SIDT1: variants seen among roughly 807,000 people sequenced by gnomAD.
SIDT1 encodes SID1 transmembrane family, member 1.
Under a neutral mutation model 107.5 loss-of-function variants are expected in SIDT1, and 101 were observed. The observed-to-expected ratio is 0.94, with a 90% CI of 0.80 to 1.11. The LOEUF is 1.11. SIDT1 is among the 50% of genes least tolerant of loss of function. The probability of loss-of-function intolerance (pLI) is 0.00; values close to 1 mark genes in which losing one functional copy is unlikely to be tolerated. For synonymous variants in SIDT1, 395 were observed against 398.2 expected (o/e 0.99, Z 0.10); for missense variants, 1,076 against 1,058.2 (o/e 1.02, Z -0.23).
chr3:113,561,297 A>G (rs540835482), intron 1 of SIDT1, among the ~76,000 whole-genome samples: 5 of 152,274 alleles, frequency 3.3e-5, no homozygotes, highest in Admixed American at 1.3e-4. Context: ...AAACTGCCCA[A>G]TGTCTTCTAT....
rs556218462 is a variant in SIDT1, at chr3:113,546,840, A to G, written c.222+13597A>G. ...AGTTTTCATGTTACCACATGTTGCC[A>G]TGCAGTACCCCAGAGTATGTTAACC... On this transcript the variant is annotated intron_variant, in intron 1 of 24. Coordinates refer to ENST00000264852, the MANE Select transcript of SIDT1 (RefSeq NM_017699.3). 6.6e-5 allele frequency among the ~76,000 whole-genome samples: 10 copies of G among 152,272 alleles called. No individual in the cohort carries two copies. In the East Asian group the frequency reaches 1.9e-3, roughly 29 times the overall value.
intron 17 of SIDT1, 22 bp from the exon 18 acceptor site, chr3:113,610,986 G>A (rs748377551): frequency 1.2e-6 from 2 of 1,610,296 alleles, no homozygotes; most frequent in South Asian, 2.2e-5. Flanking sequence ...CTGATCATCT[G>A]GCTCCTCCTT....
At chr3:113,581,812 G>A in intron 6 of SIDT1, 1 of 214,306 alleles carries the variant, frequency 4.7e-6, no homozygotes, top group Non-Finnish European at 9.4e-6. Flanking sequence ...GGCAGAGGTT[G>A]AAGTGAGCCA....
chr3:113,595,324 G>A (rs1222237763), intron 10 of SIDT1, among the ~76,000 whole-genome samples: 1 of 152,100 alleles, frequency 6.6e-6, no homozygotes, highest in Non-Finnish European at 1.5e-5. Context: ...TGTAATCCCA[G>A]CATTTGGGGA....
At chr3:113,602,711 A>G (rs758606741) in intron 11 of SIDT1, 4 of 236,660 alleles carry the variant, frequency 1.7e-5, no homozygotes, top group Non-Finnish European at 2.4e-5. Context: ...GAAACATGAA[A>G]TAGAAGTATA....
At chr3:113,554,851 C>T (rs529035246) in intron 1 of SIDT1, among the ~76,000 whole-genome samples, 1 of 152,140 alleles carries the variant, frequency 6.6e-6, no homozygotes, top group East Asian at 1.9e-4. Flanking sequence ...GGCATGTGGC[C>T]AAGGTGCTGC....
At chr3:113,593,157 T>C in intron 10 of SIDT1, 109 bp downstream of exon 10, 3 of 926,198 alleles carry the variant, frequency 3.2e-6, no homozygotes, top group Non-Finnish European at 3.6e-6. Flanking sequence ...AACCCTCCCT[T>C]GATTCCTATC....
In SIDT1 at chr3:113,623,641, G is replaced by C; in HGVS notation, c.2215G>C (p.Val739Leu). The C allele has an allele frequency of 6.2e-7, 1 of 1,613,896 alleles. No homozygotes were observed. The highest frequency in any genetic ancestry group is 1.1e-5 in the South Asian group (1 of 91,084). ...CCCACAGCTCCGCAGCTCTGAAAAG[G>C]TCCTCCCAGTCCCGCTCTTCTGCAT... is the stretch of plus-strand genomic sequence containing the variant. ...IIMKLRSSEK[V>L]LPVPLFCIVA... The change falls in exon 23 of 25, where the codon GTC (valine) becomes CTC (leucine). Residue 739 changes from valine to leucine, a missense_variant. Transcript: ENST00000264852.
intron 1 of SIDT1, among the ~76,000 whole-genome samples, chr3:113,556,797 T>C (rs1050144138): frequency 6.6e-6 from 1 of 150,458 alleles, no homozygotes; most frequent in African/African-American, 2.4e-5. Flanking sequence ...TGGCTTCTGA[T>C]TGGTATGCCC....
intron 3 of SIDT1, 138 bp from the exon 4 acceptor site, chr3:113,576,784 G>A (rs566072145): frequency 6.7e-5 from 57 of 850,988 alleles, no homozygotes; most frequent in South Asian, 3.3e-4. Context: ...TCACGGAACC[G>A]GAACTCCCCT....
intron 10 of SIDT1, among the ~76,000 whole-genome samples, chr3:113,600,867 T>C (rs992951369): frequency 7.2e-5 from 11 of 152,128 alleles, no homozygotes; most frequent in Non-Finnish European, 1.3e-4. Flanking sequence ...TAAGAAGAAA[T>C]TTATGAGGGG....
At position 113,607,119 on chromosome 3, in the gene SIDT1, A is replaced by G; in HGVS notation, c.1478+5A>G. The stretch of plus-strand genomic sequence containing the variant: ...TCACCCCTTGGGCGTCCTGAGGTAA[A>G]CCCAGTCCTCTGGTTGCCCATGAGG... On this transcript the variant is annotated splice_donor_5th_base_variant and intron_variant, in intron 15 of 24. Coordinates refer to ENST00000264852, the MANE Select transcript of SIDT1 (RefSeq NM_017699.3). 1 of 1,596,770 alleles carries G rather than the reference A, an allele frequency of 6.3e-7. No homozygotes were observed. The highest frequency in any genetic ancestry group is 1.1e-5 in the South Asian group (1 of 90,190).
At position 113,585,047 on chromosome 3, in the gene SIDT1, G is replaced by C; in HGVS notation, c.908-130G>C. 4 of 704,186 alleles carry C rather than the reference G, an allele frequency of 5.7e-6. No homozygotes were observed. The East Asian group carries it at 1.0e-4, about 18-fold the overall frequency. 43.6% of individuals were successfully genotyped at this position (704,186 alleles called of 1,614,324 possible). A position where few individuals can be genotyped will look rare whatever the true frequency, so the allele number is the denominator to read the frequency against. On this transcript the variant is annotated intron_variant, in intron 8 of 24. Coordinates refer to ENST00000264852, the MANE Select transcript of SIDT1 (RefSeq NM_017699.3). ...TCTGGGGACCTCCAGTAGCAGTTTT[G>C]CTGTGAACAAAAATTTATTAGGACC...
Position 113,576,043 on chromosome 3 carries a change from A to G in SIDT1, c.516-879A>G, listed in dbSNP as rs185006580. Among the ~76,000 whole-genome samples, 482 of 152,296 alleles carry G rather than the reference A, an allele frequency of 3.2e-3. 4 individuals carry two copies. The highest frequency in any genetic ancestry group is 0.02 in the South Asian group (96 of 4,822). On this transcript the variant is annotated intron_variant, in intron 3 of 24. Coordinates refer to ENST00000264852, the MANE Select transcript of SIDT1 (RefSeq NM_017699.3). ...AACAGCCAGAAAGAGAAAAAGCCCAAAGTAGTCCTTATAAAACTATAGAGA... is the reference window on the plus strand; with the variant it reads ...AACAGCCAGAAAGAGAAAAAGCCCAGAGTAGTCCTTATAAAACTATAGAGA...
Position 113,607,042 on chromosome 3 carries a change from T to C in SIDT1, c.1406T>C (p.Val469Ala). 1 of 1,603,222 alleles carries C rather than the reference T, an allele frequency of 6.2e-7. No individual in the cohort carries two copies. The highest frequency in any genetic ancestry group is 1.1e-5 in the South Asian group (1 of 90,878). Residue 469 changes from valine to alanine, a missense_variant and splice_region_variant, in exon 15 of 25, where the codon GTG becomes GCG. Val to Ala is a moderately conservative substitution (Grantham distance 64). Transcript: ENST00000264852. Reference sequence around the variant, plus strand: ...CTCTTCTCACTCTTGATTTTACAGGTGGTAAATGTCACTGGCAACCAGGAC... The same window carrying C: ...CTCTTCTCACTCTTGATTTTACAGGCGGTAAATGTCACTGGCAACCAGGAC... The part of the protein sequence containing the change: ...VIQLVITYQT[V>A]VNVTGNQDIC...
chr3:113,604,059 G>C, intron 13 of SIDT1, 26 bp downstream of exon 13: 1 of 1,480,388 alleles, frequency 6.8e-7, no homozygotes, highest in Non-Finnish European at 9.2e-7. Context: ...GTAGGACCAT[G>C]GTTCCCTTAA....
intron 1 of SIDT1, among the ~76,000 whole-genome samples, chr3:113,538,572 T>C (rs1314373984): frequency 6.6e-6 from 1 of 152,256 alleles, no homozygotes; most frequent in Non-Finnish European, 1.5e-5. Flanking sequence ...ACTTTTGATG[T>C]ATTAAATTAA....
intron 10 of SIDT1, 176 bp from the exon 11 acceptor site, chr3:113,601,412 A>T: frequency 2.0e-6 from 1 of 506,006 alleles, no homozygotes; most frequent in South Asian, 3.1e-5. Context: ...GCCATACAGA[A>T]ACAGGTGGCA....
chr3:113,626,024 G>A (rs1240661988), intron 23 of SIDT1, 78 bp from the exon 24 acceptor site: 1 of 980,794 alleles, frequency 1.0e-6, no homozygotes, highest in Non-Finnish European at 1.6e-6. Context: ...TAGCGTTTTT[G>A]TGGCTTTCTG....
Sources: allele counts gnomAD v4.1 joint callset (sites outside exome capture counted in the v4.1 genomes callset), GRCh38; gene constraint gnomAD v4.1.1; transcripts MANE v1.5; gene names NCBI Gene and HGNC (gene_info 2026-07-23, HGNC 2026-07-21).